NIN: variants seen among roughly 807,000 people sequenced by gnomAD.
NIN encodes ninein.
In NIN, 137 loss-of-function variants were observed where a neutral mutation model predicts 257.6. That is an observed-to-expected ratio of 0.53 (90% CI 0.46 to 0.61). The LOEUF (loss-of-function observed/expected upper bound fraction) is 0.61, where lower values mean the gene tolerates loss of function less well. NIN is among the 20% of genes least tolerant of loss of function. NIN has a pLI of 0.00. For missense variants in NIN, 2,439 were observed against 2,501.2 expected, an observed-to-expected ratio of 0.98 and a Z score of 0.53; for synonymous variants, 918 against 919.8, an observed-to-expected ratio of 1.00 and a Z score of 0.04.
Position 50,757,250 on chromosome 14 carries a change from G to C in NIN, c.3780C>G (p.Asp1260Glu). 2 of 1,614,132 alleles carry C rather than the reference G, an allele frequency of 1.2e-6. No individual in the cohort carries two copies. Among genetic ancestry groups the C allele is most frequent in the Non-Finnish European group, 1.7e-6 (2 of 1,180,020 alleles). Residue 1260 changes from aspartate (D) to glutamate (E), a missense_variant, in exon 18 of 31, where the codon GAC becomes GAG. Transcript: ENST00000530997. ...LLYEDVSRENDCLQEELRMME... is the reference protein window; with the variant it reads ...LLYEDVSRENECLQEELRMME... ...TCATTCTCAGCTCTTCCTGAAGGCA[G>C]TCATTTTCTCGGCTCACATCTTCAT...
chr14:50,815,627 C>T (rs1236604214), intron 3 of NIN, among the ~76,000 whole-genome samples: 1 of 152,166 alleles, frequency 6.6e-6, no homozygotes, highest in Non-Finnish European at 1.5e-5. Context: ...ATAGCAAAGA[C>T]ACTGAATCAA....
At chr14:50,773,763 C>A (rs1391551032) in intron 7 of NIN, among the ~76,000 whole-genome samples, 1 of 152,112 alleles carries the variant, frequency 6.6e-6, no homozygotes, top group East Asian at 1.9e-4. Flanking sequence ...GGAGTTTTGA[C>A]TGGCTAGTCC....
At chr14:50,790,555 C>T (rs947561431) in intron 5 of NIN, among the ~76,000 whole-genome samples, 16 of 152,062 alleles carry the variant, frequency 1.1e-4, no homozygotes, top group African/African-American at 3.9e-4. Flanking sequence ...AACAGAATAG[C>T]GAAGTTGAGT....
chr14:50,738,144 C>G lies in NIN; in HGVS notation c.5771G>C (p.Arg1924Thr), dbSNP rs748727963. 1 of 1,613,944 alleles carries G rather than the reference C, an allele frequency of 6.2e-7. No individual in the cohort carries two copies. Among genetic ancestry groups the G allele is most frequent in the East Asian group, 2.2e-5 (1 of 44,866 alleles). ...CATATATTCTCAAAAACTCACCTTC[C>G]TGTTAGCAGGAGATTGTTCTTTCTG... ...QFQKEQSPAN[R>T]KVSQMNSLEQ... Residue 1924 changes from arginine to threonine, a missense_variant, in exon 27 of 31, where the codon AGG (arginine) becomes ACG (threonine). By Grantham distance (71) the Arg-to-Thr change is moderately conservative. This residue lies in a region of NIN where 2,043 missense variants were observed against 2,050.2 expected (regional missense o/e 1.00). Coordinates refer to ENST00000530997, the MANE Select transcript of NIN (RefSeq NM_020921.4).
chr14:50,738,352 CAT>C, intron 26 of NIN, 66 bp from the exon 27 acceptor site: 2 of 1,445,980 alleles, frequency 1.4e-6, no homozygotes, highest in African/African-American at 1.4e-5. Context: ...AAACAACAAA[CAT>C]AGGGAAAGTT....
chr14:50,759,780 C>T (rs2042203409), intron 17 of NIN, 77 bp downstream of exon 17: 9 of 1,481,764 alleles, frequency 6.1e-6, no homozygotes, highest in South Asian at 2.7e-5. Context: ...TGAGCCACCG[C>T]GCCCAGCCAC....
chr14:50,790,372 A>C (rs2043539625), intron 5 of NIN, among the ~76,000 whole-genome samples: 1 of 152,312 alleles, frequency 6.6e-6, no homozygotes, highest in Admixed American at 6.5e-5. Context: ...TTTTTTAAAG[A>C]GATGAAGTGA....
chr14:50,774,825 T>C (rs936157862), intron 7 of NIN, among the ~76,000 whole-genome samples: 1 of 152,160 alleles, frequency 6.6e-6, no homozygotes, highest in African/African-American at 2.4e-5. Context: ...AAGTGATGAA[T>C]AGAAGAGTGT....
chr14:50,824,294 A>G (rs1244925169), intron 2 of NIN, among the ~76,000 whole-genome samples: 2 of 152,168 alleles, frequency 1.3e-5, no homozygotes, highest in African/African-American at 2.4e-5. Flanking sequence ...TTGATATACT[A>G]TCATGCCCCA....
intron 2 of NIN, among the ~76,000 whole-genome samples, chr14:50,829,701 T>C (rs898821320): frequency 1.3e-5 from 2 of 152,230 alleles, no homozygotes; most frequent in African/African-American, 4.8e-5. Flanking sequence ...AAACATGATA[T>C]ATGGTAGGGC....
rs767081440 is a variant in NIN at position 50,766,346 on chromosome 14, T to C, written c.1596A>G (p.Arg532=). The C allele has an allele frequency of 6.2e-7, 1 of 1,614,068 alleles. No homozygotes were observed. The highest frequency in any genetic ancestry group is 8.5e-7 in the Non-Finnish European group (1 of 1,179,978). The change falls in exon 14 of 31, where the codon AGA becomes AGG. Residue 532 remains arginine (R), a synonymous_variant. Transcript: ENST00000530997. ...SSAEFFLQEE[R]LTQMRNEYER... is the part of the protein sequence containing the mutation. ...CATATTCATTTCTCATCTGTGTCAG[T>C]CTCTCTTCTTGCAGGAAGAACTCAG...
In NIN at chr14:50,721,731, T is replaced by TC; in HGVS notation, c.*1731dup. On this transcript the variant is annotated 3_prime_UTR_variant, in exon 31 of 31. Transcript: ENST00000530997. ...TTTATCCAGGGGGAACTCAGGGCTT[T>TC]CTGACAAGAGCTGTGCAAAAATTCA... 4.5e-6 allele frequency: 1 copy of TC among 220,856 alleles called. No homozygotes were observed. The highest frequency in any genetic ancestry group is 9.1e-6 in the Non-Finnish European group (1 of 110,140). The allele number at this position is 220,856 out of a possible 1,614,324, so 13.7% of individuals were successfully genotyped here.
Position 50,720,594 on chromosome 14 carries a change from T to C in NIN, c.*2869A>G, listed in dbSNP as rs372561347. On this transcript the variant is annotated 3_prime_UTR_variant, in exon 31 of 31. Coordinates refer to ENST00000530997, the MANE Select transcript of NIN (RefSeq NM_020921.4). The stretch of plus-strand genomic sequence containing the variant: ...TGCCGAAGGCTAAATATGCAATGCA[T>C]TGAAATTTCTGGGAAGAATTCACAT... The C allele has an allele frequency of 1.4e-4, 30 of 207,104 alleles. No individual in the cohort carries two copies. Among genetic ancestry groups the C allele is most frequent in the African/African-American group, 5.0e-4 (22 of 44,064 alleles). 12.8% of individuals were successfully genotyped at this position (207,104 alleles called of 1,614,324 possible). A position where few individuals can be genotyped will look rare whatever the true frequency, so the allele number is the denominator to read the frequency against.
Position 50,721,292 on chromosome 14 carries a change from A to T in NIN, c.*2171T>A. The T allele has an allele frequency of 4.9e-6, 1 of 205,358 alleles. No individual in the cohort carries two copies. The highest frequency in any genetic ancestry group is 2.3e-5 in the African/African-American group (1 of 43,862). The allele number at this position is 205,358 out of a possible 1,614,324, so 12.7% of individuals were successfully genotyped here. A position where few individuals can be genotyped will look rare whatever the true frequency, so the allele number is the denominator to read the frequency against. ...TGTAGTCTAAACTTTCCAGAAAGTC[A>T]TATTTACATTCATTGTACATTTTAT... On this transcript the variant is annotated 3_prime_UTR_variant, in exon 31 of 31. Transcript: ENST00000530997.
At chr14:50,783,772 T>C (rs1361433232) in intron 5 of NIN, among the ~76,000 whole-genome samples, 1 of 152,070 alleles carries the variant, frequency 6.6e-6, no homozygotes, top group Non-Finnish European at 1.5e-5. Context: ...GTTAGAAGGC[T>C]AGGGGGATTA....
intron 5 of NIN, among the ~76,000 whole-genome samples, chr14:50,782,227 T>C (rs1010530745): frequency 2.0e-5 from 3 of 152,216 alleles, no homozygotes; most frequent in Non-Finnish European, 2.9e-5. Context: ...AATGGCTTTA[T>C]GTATCAAAAG....
intron 3 of NIN, among the ~76,000 whole-genome samples, chr14:50,816,343 CAT>C (rs1252062875): frequency 6.6e-6 from 1 of 152,136 alleles, no homozygotes; most frequent in Non-Finnish European, 1.5e-5. Context: ...ACATCCTGCA[CAT>C]GTACCCCAGA....
chr14:50,796,337 G>A (rs1470821308), intron 4 of NIN, among the ~76,000 whole-genome samples: 1 of 152,198 alleles, frequency 6.6e-6, no homozygotes, highest in Non-Finnish European at 1.5e-5. Flanking sequence ...TAAGCCAAAT[G>A]CTTGGTTATG....
chr14:50,828,820 A>G (rs1208240769), intron 2 of NIN, among the ~76,000 whole-genome samples: 1 of 152,226 alleles, frequency 6.6e-6, no homozygotes, highest in Non-Finnish European at 1.5e-5. Context: ...AATTCACTGG[A>G]GCCCTATTCT....
Sources: allele counts gnomAD v4.1 joint callset (sites outside exome capture counted in the v4.1 genomes callset), GRCh38; gene constraint gnomAD v4.1.1; regional missense constraint gnomAD v4.1.1; transcripts MANE v1.5; gene names NCBI Gene and HGNC (gene_info 2026-07-23, HGNC 2026-07-21).